NAALADL2: variants seen among roughly 807,000 people sequenced by gnomAD.
NAALADL2 encodes the protein inactive N-acetylated-alpha-linked acidic dipeptidase-like protein 2.
In NAALADL2, 76 loss-of-function variants were observed where a neutral mutation model predicts 87.2. The ratio of observed to expected loss-of-function variants is 0.87; its 90% CI spans 0.72 to 1.05. The LOEUF (loss-of-function observed/expected upper bound fraction) is 1.05. Ranked by LOEUF, NAALADL2 falls within the 50% of genes least tolerant of loss-of-function variation. NAALADL2 has a pLI of 0.00. For synonymous variants in NAALADL2, 354 were observed against 331.0 expected, an observed-to-expected ratio of 1.07 and a Z score of -0.75; for missense variants, 1,089 against 945.8, an observed-to-expected ratio of 1.15 and a Z score of -1.99.
intron 2 of NAALADL2, chr3:175,218,147 C>G: frequency 2.3e-6 from 1 of 438,652 alleles, no homozygotes; most frequent in Non-Finnish European, 4.6e-6. Context: ...TATTTATAAG[C>G]CAATATCTCT....
At chr3:174,698,057 C>T (rs532847748) in intron 2 of NAALADL2, among the ~76,000 whole-genome samples, 2 of 152,078 alleles carry the variant, frequency 1.3e-5, no homozygotes, top group Non-Finnish European at 2.9e-5. Context: ...TGCCACTGCA[C>T]TCCAGCCTGG....
At chr3:175,034,238 T>A (rs1580125021) in intron 1 of NAALADL2, among the ~76,000 whole-genome samples, 1 of 152,112 alleles carries the variant, frequency 6.6e-6, no homozygotes, top group Non-Finnish European at 1.5e-5. Flanking sequence ...TCTGCTTTTT[T>A]AAAAAAAGCT....
At chr3:175,137,945 T>C (rs943372771) in intron 2 of NAALADL2, among the ~76,000 whole-genome samples, 1 of 152,046 alleles carries the variant, frequency 6.6e-6, no homozygotes, top group Non-Finnish European at 1.5e-5. Flanking sequence ...AATTTTTAAC[T>C]CTCCTGATAA....
chr3:175,264,546 T>C (rs183547411), intron 4 of NAALADL2, among the ~76,000 whole-genome samples: 16 of 151,820 alleles, frequency 1.1e-4, no homozygotes, highest in African/African-American at 3.9e-4. Flanking sequence ...GCACTAAGGA[T>C]TGTGTTGGTG....
intron 13 of NAALADL2, among the ~76,000 whole-genome samples, chr3:175,759,591 C>T (rs980694943): frequency 3.9e-5 from 6 of 151,964 alleles, no homozygotes; most frequent in African/African-American, 1.2e-4. Context: ...CTCCTGACCT[C>T]GTGATTTGCC....
At chr3:175,258,980 A>C (rs1478119543) in intron 4 of NAALADL2, among the ~76,000 whole-genome samples, 1 of 152,166 alleles carries the variant, frequency 6.6e-6, no homozygotes, top group East Asian at 1.9e-4. Flanking sequence ...CCTGTACTGA[A>C]ATTGCCACTT....
intron 2 of NAALADL2, among the ~76,000 whole-genome samples, chr3:174,654,762 GTCTT>G (rs1289597805): frequency 6.6e-6 from 1 of 152,116 alleles, no homozygotes; most frequent in Non-Finnish European, 1.5e-5. Context: ...TTGAGATGGA[GTCTT>G]GCTCTGTCAC....
At chr3:175,568,540 T>C (rs1177948341) in intron 9 of NAALADL2, among the ~76,000 whole-genome samples, 1 of 152,186 alleles carries the variant, frequency 6.6e-6, no homozygotes, top group African/African-American at 2.4e-5. Flanking sequence ...GAGCATTGCA[T>C]TTGAAGTGAA....
intron 4 of NAALADL2, among the ~76,000 whole-genome samples, chr3:175,308,470 A>G (rs1757971470): frequency 6.6e-6 from 1 of 152,186 alleles, no homozygotes; most frequent in Non-Finnish European, 1.5e-5. Flanking sequence ...TGCCTAAGTC[A>G]CCTGGGATAT....
chr3:175,308,025 GA>G (rs11326299), intron 4 of NAALADL2, among the ~76,000 whole-genome samples: 29,840 of 152,158 alleles, frequency 0.2, 3,221 homozygotes, highest in East Asian at 0.47. Flanking sequence ...AAATGCCTAT[GA>G]GAGGTAGATA....
intron 5 of NAALADL2, among the ~76,000 whole-genome samples, chr3:175,429,661 C>T (rs763046861): frequency 1.3e-5 from 2 of 151,984 alleles, no homozygotes; most frequent in African/African-American, 2.4e-5. Context: ...AGTTGATGTA[C>T]ATGCAACAAA....
chr3:174,513,916 TTTAA>T (rs1005629528), intron 1 of NAALADL2, among the ~76,000 whole-genome samples: 3 of 152,224 alleles, frequency 2.0e-5, no homozygotes, highest in African/African-American at 7.2e-5. Context: ...CTTGCCTTTG[TTTAA>T]TTCAGTATTG....
At position 175,539,063 on chromosome 3, in the gene NAALADL2, A is replaced by G. The variant is rs1054743543; in HGVS notation, c.1654-36978A>G. The stretch of plus-strand genomic sequence containing the variant: ...AAATAAACACAGCATTTGAAGGCCA[A>G]TGAAAAAAATTAGACCTACATGACT... On this transcript the variant is annotated intron_variant, in intron 9 of 13. Coordinates refer to ENST00000454872, the MANE Select transcript of NAALADL2 (RefSeq NM_207015.3). 2.6e-5 allele frequency among the ~76,000 whole-genome samples: 4 copies of G among 152,338 alleles called. No individual in the cohort carries two copies. In the Middle Eastern group the frequency reaches 0.01, roughly 389 times the overall value.
intron 2 of NAALADL2, among the ~76,000 whole-genome samples, chr3:174,644,771 C>T (rs1041620763): frequency 6.6e-6 from 1 of 152,134 alleles, no homozygotes; most frequent in Non-Finnish European, 1.5e-5. Context: ...CAAGGTTTTT[C>T]AAGATATTTG....
chr3:174,944,023 C>T (rs1739020032), intron 1 of NAALADL2, among the ~76,000 whole-genome samples: 1 of 152,084 alleles, frequency 6.6e-6, no homozygotes. Context: ...CAGGCACCCA[C>T]CTAACAGTCT....
chr3:174,790,226 T>C (rs183749559), intron 3 of NAALADL2, among the ~76,000 whole-genome samples: 1 of 152,230 alleles, frequency 6.6e-6, no homozygotes, highest in East Asian at 1.9e-4. Context: ...TGTTTTTTGG[T>C]TCCTAGTTTT....
At chr3:174,681,920 G>C (rs140975168) in intron 2 of NAALADL2, among the ~76,000 whole-genome samples, 2 of 152,136 alleles carry the variant, frequency 1.3e-5, no homozygotes, top group African/African-American at 4.8e-5. Context: ...TGCCCTGAAG[G>C]CAGTGCCCCA....
chr3:175,357,500 C>A (rs2148896809), intron 5 of NAALADL2, among the ~76,000 whole-genome samples: 1 of 152,210 alleles, frequency 6.6e-6, no homozygotes, highest in Non-Finnish European at 1.5e-5. Flanking sequence ...CTGTAAGAAA[C>A]AACTGTCCCA....
intron 10 of NAALADL2, among the ~76,000 whole-genome samples, chr3:175,599,054 T>C (rs1161641919): frequency 6.6e-6 from 1 of 152,142 alleles, no homozygotes; most frequent in Non-Finnish European, 1.5e-5. Context: ...ACATCTTTGT[T>C]ATACTCTTCA....
Sources: gnomAD v4.1 joint callset for allele counts (sites outside exome capture counted in the v4.1 genomes callset) on GRCh38, gnomAD v4.1.1 for gene constraint, MANE v1.5 for transcripts, NCBI Gene and HGNC (gene_info 2026-07-23, HGNC 2026-07-21) for gene names.